The following TSHZ3 variants were observed in gnomAD, a reference collection of about 807,000 sequenced individuals.
The protein encoded by TSHZ3 is teashirt homolog 3.
A neutral mutation model predicts 64.5 loss-of-function variants in TSHZ3; 10 were observed. That is an observed-to-expected ratio of 0.16 (90% CI 0.10 to 0.26). The LOEUF (loss-of-function observed/expected upper bound fraction) is 0.26, where lower values mean the gene tolerates loss of function less well. Among genes scored for constraint, TSHZ3 ranks in the 10% least tolerant of loss-of-function variants. The pLI, the probability that TSHZ3 is intolerant of heterozygous loss-of-function variation, is 1.00. For synonymous variants in TSHZ3, 608 were observed against 593.1 expected (o/e 1.03, Z -0.36); for missense variants, 1,242 against 1,421.7 (o/e 0.87, Z 2.03).
rs550493518 is a variant in TSHZ3, at chr19:31,150,876, A to G, written n.1740T>C. 1.2e-4 allele frequency among the ~76,000 whole-genome samples: 18 copies of G among 152,212 alleles called. No individual in the cohort carries two copies. In the South Asian group the frequency reaches 3.7e-3, roughly 32 times the overall value. ...TTGTCCCTGCTCATCCTCAGAATCTAAGCTGGACATCAGGAGCCTGCCCAT... is the reference window on the plus strand; with the variant it reads ...TTGTCCCTGCTCATCCTCAGAATCTGAGCTGGACATCAGGAGCCTGCCCAT... On this transcript the variant is annotated non_coding_transcript_exon_variant, in exon 7 of 7. Coordinates refer to the TSHZ3 transcript ENST00000651361.
chr19:31,225,616 C>A (rs1428389765), intron 4 of TSHZ3, among the ~76,000 whole-genome samples: 1 of 152,192 alleles, frequency 6.6e-6, no homozygotes, highest in Non-Finnish European at 1.5e-5. Flanking sequence ...ACCTCCCCAT[C>A]CTCCCCCACC....
At chr19:31,158,461 G>A (rs1974333310) in intron 5 of TSHZ3, among the ~76,000 whole-genome samples, 1 of 152,132 alleles carries the variant, frequency 6.6e-6, no homozygotes, top group Non-Finnish European at 1.5e-5. Context: ...AGGCTTTACT[G>A]GGATAAGACT....
chr19:31,335,420 C>A (rs561475111), intron 1 of TSHZ3, among the ~76,000 whole-genome samples: 44 of 152,222 alleles, frequency 2.9e-4, no homozygotes, highest in Non-Finnish European at 5.4e-4. Flanking sequence ...CACTGCCATC[C>A]ACCTGAAGCT....
In TSHZ3 at chr19:31,160,068, AG is replaced by A. The variant is rs373102303; in HGVS notation, n.810-3652del. On this transcript the variant is annotated intron_variant and non_coding_transcript_variant, in intron 5 of 6. Transcript: ENST00000651361. The stretch of plus-strand genomic sequence containing the variant: ...ATACTACGATAGCTCACATTTAGTG[AG>A]GGCTTACAATGGGCCAGGCCTTGTG... 1.4e-3 allele frequency among the ~76,000 whole-genome samples: 219 copies of A among 152,340 alleles called. 5 individuals carry two copies. The South Asian group carries it at 0.041, about 28-fold the overall frequency.
intron 1 of TSHZ3, among the ~76,000 whole-genome samples, chr19:31,259,958 C>T (rs1330090153): frequency 3.3e-5 from 5 of 152,102 alleles, no homozygotes; most frequent in Admixed American, 2.0e-4. Flanking sequence ...GGCCCAGTTG[C>T]GCGGGAGAGA....
chr19:31,154,866 CTCCTGTCTCTATCATAA>C (rs1206911350), intron 6 of TSHZ3, among the ~76,000 whole-genome samples: 1 of 152,164 alleles, frequency 6.6e-6, no homozygotes, highest in Non-Finnish European at 1.5e-5. Flanking sequence ...CACTTGCTGC[CTCCTGTCTCTATCATAA>C]GGGCCAGGAC....
intron 1 of TSHZ3, among the ~76,000 whole-genome samples, chr19:31,250,043 G>T (rs921831807): frequency 6.6e-6 from 1 of 152,248 alleles, no homozygotes; most frequent in Non-Finnish European, 1.5e-5. Context: ...GAGCTCCCAG[G>T]CTGCACGCGC....
At chr19:31,229,989 T>C (rs1975517627) in intron 3 of TSHZ3, among the ~76,000 whole-genome samples, 2 of 152,178 alleles carry the variant, frequency 1.3e-5, no homozygotes, top group Admixed American at 1.3e-4. Context: ...GAGGGTAACT[T>C]GGCAAAATTC....
At chr19:31,158,994 T>C (rs1262534189) in intron 5 of TSHZ3, among the ~76,000 whole-genome samples, 1 of 151,848 alleles carries the variant, frequency 6.6e-6, no homozygotes, top group Admixed American at 6.5e-5. Context: ...CTCCCTCTTC[T>C]ACGTTTGTTT....
At chr19:31,212,415 A>G (rs991405398) in intron 4 of TSHZ3, among the ~76,000 whole-genome samples, 1 of 152,114 alleles carries the variant, frequency 6.6e-6, no homozygotes, top group Admixed American at 6.6e-5. Flanking sequence ...CCAAGATCAC[A>G]CCACTGCACT....
chr19:31,169,107 C>T (rs1434426781), intron 5 of TSHZ3, among the ~76,000 whole-genome samples: 2 of 148,788 alleles, frequency 1.3e-5, no homozygotes, highest in African/African-American at 2.5e-5. Context: ...TTATTTGAAG[C>T]AGACATTGAA....
chr19:31,282,328 G>A (rs1336939588), intron 1 of TSHZ3, among the ~76,000 whole-genome samples: 5 of 152,084 alleles, frequency 3.3e-5, no homozygotes, highest in South Asian at 2.1e-4. Context: ...CACACCCTGG[G>A]GATTTTGCTC....
At chr19:31,177,156 G>A (rs1413668539) in intron 5 of TSHZ3, among the ~76,000 whole-genome samples, 1 of 152,162 alleles carries the variant, frequency 6.6e-6, no homozygotes, top group Non-Finnish European at 1.5e-5. Flanking sequence ...CTATAAACTG[G>A]GACCTATCCA....
intron 6 of TSHZ3, among the ~76,000 whole-genome samples, chr19:31,154,332 T>A (rs1253240927): frequency 6.6e-6 from 1 of 152,190 alleles, no homozygotes; most frequent in African/African-American, 2.4e-5. Context: ...CAACTTCATG[T>A]CATCCAGTCC....
chr19:31,210,313 GT>G (rs1568348926), intron 4 of TSHZ3, among the ~76,000 whole-genome samples: 1 of 152,072 alleles, frequency 6.6e-6, no homozygotes, highest in African/African-American at 2.4e-5. Flanking sequence ...CTTTGCACCT[GT>G]TTTTTTCTTC....
Position 31,279,711 on chromosome 19 carries a change from C to T in TSHZ3, c.82G>A (p.Glu28Lys), listed in dbSNP as rs367905058. 6.5e-6 allele frequency: 10 copies of T among 1,528,518 alleles called. No individual in the cohort carries two copies. Among genetic ancestry groups the T allele is most frequent in the African/African-American group, 2.8e-5 (2 of 72,026 alleles). The allele number at this position is 1,528,518 out of a possible 1,614,324, so 94.7% of individuals were successfully genotyped here. The change falls in exon 2 of 2, where the codon GAA (glutamate) becomes AAA (lysine). Residue 28 changes from glutamate to lysine, a missense_variant. Glu to Lys is a moderately conservative substitution (Grantham distance 56, BLOSUM62 1). Coordinates refer to ENST00000240587, the MANE Select transcript of TSHZ3 (RefSeq NM_020856.4). This position sits in a 1 kb window ranked among gnomAD's most constrained non-coding sequence, Gnocchi z 6.4. ...EELKAAALVD[E>K]GLDPEEHTAD... ...GTATGCTCCTCTGGGTCTAAACCTT[C>T]GTCCACCAGGGCAGCAGCCTTTAAC... is the stretch of plus-strand genomic sequence containing the variant.
chr19:31,153,394 G>A (rs1230663099), intron 6 of TSHZ3, among the ~76,000 whole-genome samples: 3 of 152,176 alleles, frequency 2.0e-5, no homozygotes, highest in Non-Finnish European at 4.4e-5. Flanking sequence ...CTTACTTATA[G>A]AGAAAGGAGT....
intron 4 of TSHZ3, among the ~76,000 whole-genome samples, chr19:31,210,342 CCT>C (rs1045370398): frequency 2.6e-5 from 4 of 152,112 alleles, no homozygotes; most frequent in Non-Finnish European, 5.9e-5. Context: ...CAAGAAGTTT[CCT>C]CTCTTCCCCA....
chr19:31,258,750 A>T (rs983042497), intron 1 of TSHZ3, among the ~76,000 whole-genome samples: 1 of 152,236 alleles, frequency 6.6e-6, no homozygotes, highest in Non-Finnish European at 1.5e-5. Context: ...GCTGTCAATC[A>T]ATGTAGTCTC....
Sources: allele counts gnomAD v4.1 joint callset (sites outside exome capture counted in the v4.1 genomes callset), GRCh38; gene constraint gnomAD v4.1.1; non-coding constraint Gnocchi (gnomAD v3.1); transcripts MANE v1.5; gene names NCBI Gene and HGNC (gene_info 2026-07-23, HGNC 2026-07-21).